The following MACROD2 variants were observed in gnomAD, a reference collection of about 807,000 sequenced individuals.
MACROD2 encodes the protein ADP-ribose glycohydrolase MACROD2.
MACROD2 carries 36 observed loss-of-function variants against 70.4 expected under a neutral mutation model. The observed-to-expected ratio is 0.51, with a 90% CI of 0.39 to 0.68. The LOEUF is 0.68. Ranked by LOEUF, MACROD2 falls within the 30% of genes least tolerant of loss-of-function variation. The pLI, the probability that MACROD2 is intolerant of heterozygous loss-of-function variation, is 0.00. For synonymous variants in MACROD2, 172 were observed against 178.8 expected, an observed-to-expected ratio of 0.96 and a Z score of 0.30; for missense variants, 496 against 538.4, an observed-to-expected ratio of 0.92 and a Z score of 0.78.
intron 5 of MACROD2, among the ~76,000 whole-genome samples, chr20:14,724,520 ACT>A (rs1353828010): frequency 6.6e-6 from 1 of 152,122 alleles, no homozygotes; most frequent in African/African-American, 2.4e-5. Flanking sequence ...AGTAGAAACA[ACT>A]CTGATAAAAT....
chr20:15,371,760 A>G (rs1185843859), intron 6 of MACROD2, among the ~76,000 whole-genome samples: 1 of 152,186 alleles, frequency 6.6e-6, no homozygotes, highest in African/African-American at 2.4e-5. Flanking sequence ...CCTAGAATGG[A>G]TTTATTGAAT....
intron 10 of MACROD2, among the ~76,000 whole-genome samples, chr20:15,900,348 G>A (rs1012804626): frequency 6.6e-6 from 1 of 152,108 alleles, no homozygotes; most frequent in Non-Finnish European, 1.5e-5. Context: ...TTTCCATGGT[G>A]AAAAATCAGA....
Position 15,518,991 on chromosome 20 carries a change from C to T in MACROD2, c.645+19144C>T, listed in dbSNP as rs889808534. On this transcript the variant is annotated intron_variant, in intron 8 of 17. Transcript: ENST00000684519. Reference sequence around the variant, plus strand: ...TTAACATTTACTATTTTCTATGTGCCGGACATTGTGCTAAGTGTGAATTCT... The same window carrying T: ...TTAACATTTACTATTTTCTATGTGCTGGACATTGTGCTAAGTGTGAATTCT... 1.1e-4 allele frequency among the ~76,000 whole-genome samples: 16 copies of T among 152,070 alleles called. No individual in the cohort carries two copies. The East Asian group carries it at 1.9e-3, about 18-fold the overall frequency.
chr20:14,557,713 G>C (rs6079490), intron 4 of MACROD2, among the ~76,000 whole-genome samples: 99,608 of 151,628 alleles, frequency 0.66, 33,936 homozygotes, highest in East Asian at 0.94. Flanking sequence ...TACCAAAAAA[G>C]ACAGATAATA....
chr20:15,373,603 T>G (rs1217970802), intron 6 of MACROD2, among the ~76,000 whole-genome samples: 5 of 152,058 alleles, frequency 3.3e-5, no homozygotes, highest in Non-Finnish European at 5.9e-5. Flanking sequence ...GGGTCTCACT[T>G]TGTTGCCCAG....
At chr20:14,407,010 G>A (rs2083697490) in intron 3 of MACROD2, among the ~76,000 whole-genome samples, 1 of 151,738 alleles carries the variant, frequency 6.6e-6, no homozygotes, top group Non-Finnish European at 1.5e-5. Context: ...AAACTGTATT[G>A]CATCCTTGCA....
At chr20:14,318,062 A>G (rs2082628644) in intron 3 of MACROD2, among the ~76,000 whole-genome samples, 1 of 152,302 alleles carries the variant, frequency 6.6e-6, no homozygotes, top group Middle Eastern at 3.4e-3. Context: ...ATTCATTAAC[A>G]TTGATCCCCA....
intron 13 of MACROD2, among the ~76,000 whole-genome samples, chr20:15,980,236 G>C (rs564426964): frequency 2.0e-5 from 3 of 152,154 alleles, no homozygotes; most frequent in Non-Finnish European, 2.9e-5. Flanking sequence ...GCCTGGTTTC[G>C]GGCCTGGTGC....
At chr20:15,805,682 G>A (rs1484496876) in intron 8 of MACROD2, among the ~76,000 whole-genome samples, 2 of 152,104 alleles carry the variant, frequency 1.3e-5, no homozygotes, top group Non-Finnish European at 2.9e-5. Flanking sequence ...CTCCATGTTG[G>A]TAAGGCTGGT....
intron 8 of MACROD2, among the ~76,000 whole-genome samples, chr20:15,759,934 A>G (rs1240478585): frequency 6.6e-6 from 1 of 152,162 alleles, no homozygotes; most frequent in African/African-American, 2.4e-5. Flanking sequence ...TGCCTTTCCC[A>G]AGAGGAGAAC....
chr20:15,730,482 T>A (rs1308260255), intron 8 of MACROD2, among the ~76,000 whole-genome samples: 2 of 152,186 alleles, frequency 1.3e-5, no homozygotes, highest in African/African-American at 4.8e-5. Flanking sequence ...GAATTTGGAA[T>A]TTATTTTCCT....
At chr20:15,135,089 A>G (rs1285509951) in intron 5 of MACROD2, among the ~76,000 whole-genome samples, 1 of 151,992 alleles carries the variant, frequency 6.6e-6, no homozygotes, top group African/African-American at 2.4e-5. Flanking sequence ...ACCAACCAAA[A>G]AGAGTCCAGG....
At chr20:14,995,590 G>A (rs2074942552) in intron 5 of MACROD2, among the ~76,000 whole-genome samples, 1 of 151,692 alleles carries the variant, frequency 6.6e-6, no homozygotes, top group Non-Finnish European at 1.5e-5. Flanking sequence ...ATTTCAAGGG[G>A]CTAAATTTAT....
chr20:14,798,368 G>C (rs1198692325), intron 5 of MACROD2, among the ~76,000 whole-genome samples: 1 of 151,928 alleles, frequency 6.6e-6, no homozygotes, highest in Non-Finnish European at 1.5e-5. Context: ...TCTCAACATG[G>C]ATTTGTCTTG....
chr20:15,243,869 T>G (rs2077082476), intron 6 of MACROD2, among the ~76,000 whole-genome samples: 1 of 151,404 alleles, frequency 6.6e-6, no homozygotes. Flanking sequence ...GAGCTTGCAG[T>G]GAGCCAAGAT....
At chr20:14,019,049 GC>G (rs2053032249) in intron 2 of MACROD2, among the ~76,000 whole-genome samples, 1 of 152,106 alleles carries the variant, frequency 6.6e-6, no homozygotes, top group South Asian at 2.1e-4. Flanking sequence ...TAACTCTGCA[GC>G]AAAACAGGGC....
chr20:14,175,147 A>G (rs1379524875), intron 3 of MACROD2, among the ~76,000 whole-genome samples: 1 of 152,110 alleles, frequency 6.6e-6, no homozygotes, highest in East Asian at 1.9e-4. Flanking sequence ...CATAATGTGA[A>G]TCTCCACATG....
chr20:15,636,071 C>CAA lies in MACROD2; in HGVS notation c.645+136227_645+136228dup, dbSNP rs1178846767. 5.1e-4 allele frequency among the ~76,000 whole-genome samples: 14 copies of CAA among 27,670 alleles called. 1 individual carries two copies. Among genetic ancestry groups the CAA allele is most frequent in the African/African-American group, 9.0e-4 (9 of 9,978 alleles). 18.2% of individuals were successfully genotyped at this position (27,670 alleles called of 152,430 possible). A position where few individuals can be genotyped will look rare whatever the true frequency, so the allele number is the denominator to read the frequency against. ...TGGGCGACAGAGCGAGGCTCCCTCT[C>CAA]AAAAGAAAAAAAAAAAAAAAAGAAA... On this transcript the variant is annotated intron_variant, in intron 8 of 17. Coordinates refer to ENST00000684519, the MANE Select transcript of MACROD2 (RefSeq NM_001351661.2).
At chr20:14,651,270 G>C (rs1048019752) in intron 4 of MACROD2, among the ~76,000 whole-genome samples, 3 of 152,106 alleles carry the variant, frequency 2.0e-5, no homozygotes, top group African/African-American at 7.2e-5. Flanking sequence ...TGATGCCAAA[G>C]AGAAAAGAGC....
Sources: allele counts gnomAD v4.1 joint callset (sites outside exome capture counted in the v4.1 genomes callset), GRCh38; gene constraint gnomAD v4.1.1; transcripts MANE v1.5; gene names NCBI Gene and HGNC (gene_info 2026-07-23, HGNC 2026-07-21).